Variants in PLCB1 observed in about 807,000 individuals in gnomAD.
PLCB1 encodes the protein 1-phosphatidylinositol 4,5-bisphosphate phosphodiesterase beta-1.
In PLCB1, 46 loss-of-function variants were observed where a neutral mutation model predicts 161.8. That is an observed-to-expected ratio of 0.28 (90% CI 0.22 to 0.36). The LOEUF is 0.36. Ranked by LOEUF, PLCB1 falls within the 10% of genes least tolerant of loss-of-function variation. The pLI, the probability that PLCB1 is intolerant of heterozygous loss-of-function variation, is 1.00. For missense variants in PLCB1, 1,016 were observed against 1,472.5 expected, an observed-to-expected ratio of 0.69 and a Z score of 5.07; for synonymous variants, 517 against 503.7, an observed-to-expected ratio of 1.03 and a Z score of -0.35.
At position 8,658,710 on chromosome 20, in the gene PLCB1, T is replaced by TA. The variant is rs1374117351; in HGVS notation, c.862+7dup. ...CAACAGCCTCGCCAGAAAAGGTCAG[T>TA]ACTTTCTTTCACACCAAAGGGAAGC... On this transcript the variant is annotated splice_region_variant and intron_variant, in intron 9 of 31. Transcript: ENST00000338037. The TA allele has an allele frequency of 1.9e-6, 3 of 1,595,680 alleles. No homozygotes were observed. The highest frequency in any genetic ancestry group is 2.7e-5 in the African/African-American group (2 of 73,628).
At position 8,480,280 on chromosome 20, in the gene PLCB1, C is replaced by G. The variant is rs1364676268; in HGVS notation, c.246+108830C>G. ...GAATAAAATCCGGATTATGATTAAG[C>G]TCATATCCACCACCACAAAATGGAG... On this transcript the variant is annotated intron_variant, in intron 3 of 31. Coordinates refer to ENST00000338037, the MANE Select transcript of PLCB1 (RefSeq NM_015192.4). Among the ~76,000 whole-genome samples the G allele has an allele frequency of 2.8e-5, 4 of 143,668 alleles. No homozygotes were observed. In the Admixed American group the frequency reaches 2.9e-4, roughly 11 times the overall value. The allele number at this position is 143,668 out of a possible 152,430, so 94.3% of individuals were successfully genotyped here.
chr20:8,773,298 G>A (rs4816080), intron 26 of PLCB1, among the ~76,000 whole-genome samples: 45,839 of 152,050 alleles, frequency 0.3, 7,000 homozygotes, highest in Middle Eastern at 0.48. Context: ...GTAGTCTTTC[G>A]GGAAGGGATT....
intron 2 of PLCB1, among the ~76,000 whole-genome samples, chr20:8,217,901 A>G (rs919037612): frequency 3.9e-5 from 6 of 152,058 alleles, no homozygotes; most frequent in Non-Finnish European, 7.4e-5. Flanking sequence ...TCCACCTTCC[A>G]TCATGGGATA....
intron 3 of PLCB1, among the ~76,000 whole-genome samples, chr20:8,524,832 C>A (rs1997743): frequency 6.6e-6 from 1 of 151,992 alleles, no homozygotes; most frequent in African/African-American, 2.4e-5. Context: ...GTAACTCAAA[C>A]CCTCTCCATT....
chr20:8,759,907 T>TC (rs1469770190), intron 24 of PLCB1, among the ~76,000 whole-genome samples: 1 of 139,412 alleles, frequency 7.2e-6, no homozygotes, highest in African/African-American at 2.7e-5. Flanking sequence ...TTTTTTTTTT[T>TC]TTTTTTTTTT....
intron 2 of PLCB1, among the ~76,000 whole-genome samples, chr20:8,323,204 A>T (rs1194900710): frequency 1.3e-5 from 2 of 152,170 alleles, no homozygotes; most frequent in Non-Finnish European, 2.9e-5. Flanking sequence ...ATAGTCAGTG[A>T]TATTTTAAGT....
chr20:8,554,300 A>T (rs899585734), intron 3 of PLCB1, among the ~76,000 whole-genome samples: 1 of 152,152 alleles, frequency 6.6e-6, no homozygotes, highest in African/African-American at 2.4e-5. Context: ...AACAACTTGT[A>T]AAAGAATGCT....
chr20:8,588,110 C>T (rs1987043901), intron 3 of PLCB1, among the ~76,000 whole-genome samples: 1 of 152,186 alleles, frequency 6.6e-6, no homozygotes, highest in South Asian at 2.1e-4. Context: ...TGATTTAATA[C>T]ATGCTTATTG....
intron 3 of PLCB1, among the ~76,000 whole-genome samples, chr20:8,620,747 C>CAAAAAAAAAAAAAAAAAAAAAAAA (rs779029928): frequency 1.3e-5 from 1 of 75,244 alleles, no homozygotes; most frequent in Admixed American, 1.6e-4. Flanking sequence ...CTGCCCCCAC[C>CAAAAAAAAAAAAAAAAAAAAAAAA]AAAAAAAAAA....
At chr20:8,195,492 G>T (rs1018575912) in intron 2 of PLCB1, among the ~76,000 whole-genome samples, 1 of 152,030 alleles carries the variant, frequency 6.6e-6, no homozygotes, top group Non-Finnish European at 1.5e-5. Flanking sequence ...CCCTCATGTA[G>T]TGTGTCTGCA....
At chr20:8,824,898 A>G (rs957565437) in intron 31 of PLCB1, among the ~76,000 whole-genome samples, 1 of 152,188 alleles carries the variant, frequency 6.6e-6, no homozygotes, top group African/African-American at 2.4e-5. Flanking sequence ...CACACACCCC[A>G]TAACATCCTG....
At chr20:8,481,082 G>A (rs575149137) in intron 3 of PLCB1, among the ~76,000 whole-genome samples, 1 of 152,064 alleles carries the variant, frequency 6.6e-6, no homozygotes, top group Non-Finnish European at 1.5e-5. Context: ...CCAGCTTGGA[G>A]TAGACAGAGC....
At chr20:8,144,888 G>A (rs2051438600) in intron 1 of PLCB1, among the ~76,000 whole-genome samples, 1 of 152,140 alleles carries the variant, frequency 6.6e-6, no homozygotes, top group African/African-American at 2.4e-5. Flanking sequence ...ATTCATGTGT[G>A]TTCTCTTGTA....
At chr20:8,789,661 A>G (rs912809123) in intron 30 of PLCB1, 86 bp downstream of exon 30, 32 of 1,010,814 alleles carry the variant, frequency 3.2e-5, no homozygotes, top group Non-Finnish European at 4.6e-5. Context: ...AGGAAATGTC[A>G]TGCCTTGCCA....
intron 3 of PLCB1, among the ~76,000 whole-genome samples, chr20:8,625,700 A>T (rs995869004): frequency 1.3e-5 from 2 of 152,164 alleles, no homozygotes; most frequent in African/African-American, 4.8e-5. Context: ...CCTTTAGTTC[A>T]TACACAGAAA....
chr20:8,823,926 G>A (rs1600357922), intron 31 of PLCB1, among the ~76,000 whole-genome samples: 1 of 151,644 alleles, frequency 6.6e-6, no homozygotes, highest in Admixed American at 6.6e-5. Flanking sequence ...TGTTCCTTAG[G>A]TTCCTTAACA....
chr20:8,282,101 T>A (rs1462102681), intron 2 of PLCB1, among the ~76,000 whole-genome samples: 2 of 152,230 alleles, frequency 1.3e-5, no homozygotes, highest in Non-Finnish European at 2.9e-5. Context: ...AACTATTATA[T>A]ACATTTAGTA....
chr20:8,683,247 C>T (rs962384073), intron 9 of PLCB1, among the ~76,000 whole-genome samples: 1 of 151,934 alleles, frequency 6.6e-6, no homozygotes, highest in Non-Finnish European at 1.5e-5. Flanking sequence ...TGGGAGGATA[C>T]ACACCAATGT....
At chr20:8,393,805 A>C (rs939949659) in intron 3 of PLCB1, among the ~76,000 whole-genome samples, 1 of 152,184 alleles carries the variant, frequency 6.6e-6, no homozygotes, top group Non-Finnish European at 1.5e-5. Flanking sequence ...AAAGCCATTT[A>C]TTATGAAGTT....
Sources: allele counts gnomAD v4.1 joint callset (sites outside exome capture counted in the v4.1 genomes callset), GRCh38; gene constraint gnomAD v4.1.1; transcripts MANE v1.5; gene names NCBI Gene and HGNC (gene_info 2026-07-23, HGNC 2026-07-21).